KIF6: variants seen among roughly 807,000 people sequenced by gnomAD.
KIF6 encodes the protein kinesin family member 6, also known as kinesin-like protein KIF6.
KIF6 carries 106 observed loss-of-function variants against 112.7 expected under a neutral mutation model. That is an observed-to-expected ratio of 0.94 (90% CI 0.80 to 1.11). The LOEUF is 1.11. Ranked by LOEUF, KIF6 falls within the 50% of genes least tolerant of loss-of-function variation. The pLI is 0.00. For missense variants in KIF6, 929 were observed against 964.0 expected, an observed-to-expected ratio of 0.96 and a Z score of 0.48; for synonymous variants, 339 against 339.9, an observed-to-expected ratio of 1.00 and a Z score of 0.03.
At chr6:39,608,286 T>A (rs1001125529) in intron 6 of KIF6, among the ~76,000 whole-genome samples, 1 of 152,152 alleles carries the variant, frequency 6.6e-6, no homozygotes, top group African/African-American at 2.4e-5. Context: ...ATACCATAAG[T>A]TGAAAATGCA....
intron 15 of KIF6, among the ~76,000 whole-genome samples, chr6:39,398,709 G>A (rs988061165): frequency 1.3e-5 from 2 of 152,106 alleles, no homozygotes; most frequent in African/African-American, 4.8e-5. Flanking sequence ...AACACAGATC[G>A]GGTGCTTCTT....
intron 13 of KIF6, among the ~76,000 whole-genome samples, chr6:39,461,859 C>T (rs531909031): frequency 1.3e-5 from 2 of 152,184 alleles, no homozygotes; most frequent in South Asian, 4.1e-4. Context: ...GTGTGTGTAC[C>T]TGTTGACACA....
chr6:39,695,608 C>T (rs1788487447), intron 3 of KIF6, among the ~76,000 whole-genome samples: 2 of 152,164 alleles, frequency 1.3e-5, no homozygotes, highest in Non-Finnish European at 2.9e-5. Flanking sequence ...GATACCATCT[C>T]ACACCAGTCA....
intron 3 of KIF6, among the ~76,000 whole-genome samples, chr6:39,689,583 T>C (rs1788066963): frequency 6.6e-6 from 1 of 152,140 alleles, no homozygotes; most frequent in African/African-American, 2.4e-5. Context: ...TCTGCTGTCA[T>C]ATAATTTATT....
At chr6:39,496,898 C>T (rs1431442283) in intron 13 of KIF6, among the ~76,000 whole-genome samples, 1 of 152,218 alleles carries the variant, frequency 6.6e-6, no homozygotes, top group Admixed American at 6.5e-5. Context: ...AATCAAGTTA[C>T]TTAAAACGTC....
At chr6:39,435,589 C>T (rs575566546) in intron 13 of KIF6, among the ~76,000 whole-genome samples, 188 of 151,918 alleles carry the variant, frequency 1.2e-3, no homozygotes, top group African/African-American at 4.4e-3. Context: ...TTTGCATACC[C>T]ATAGCTTAGC....
chr6:39,394,182 A>G (rs761231620), intron 15 of KIF6, among the ~76,000 whole-genome samples: 4 of 152,214 alleles, frequency 2.6e-5, no homozygotes, highest in Non-Finnish European at 4.4e-5. Flanking sequence ...GATAAAGCCG[A>G]GCAAGATCAA....
chr6:39,467,580 G>A (rs1167804064), intron 13 of KIF6, among the ~76,000 whole-genome samples: 1 of 152,046 alleles, frequency 6.6e-6, no homozygotes, highest in Non-Finnish European at 1.5e-5. Context: ...TGCCCTCTGA[G>A]GAACAAAATC....
At chr6:39,361,313 C>T (rs1425058737) in intron 17 of KIF6, among the ~76,000 whole-genome samples, 4 of 151,862 alleles carry the variant, frequency 2.6e-5, no homozygotes, top group African/African-American at 4.8e-5. Context: ...AATCCCAGCA[C>T]TTTGGGAGGC....
At chr6:39,444,056 A>G (rs1264143231) in intron 13 of KIF6, among the ~76,000 whole-genome samples, 2 of 152,220 alleles carry the variant, frequency 1.3e-5, no homozygotes, top group Non-Finnish European at 2.9e-5. Flanking sequence ...CTTTGCATAT[A>G]CTAGAGGCAT....
At chr6:39,407,948 G>C (rs944571286) in intron 15 of KIF6, among the ~76,000 whole-genome samples, 1 of 152,116 alleles carries the variant, frequency 6.6e-6, no homozygotes, top group Non-Finnish European at 1.5e-5. Flanking sequence ...AACTGTCCTA[G>C]GGTTCTTCCA....
intron 10 of KIF6, among the ~76,000 whole-genome samples, chr6:39,575,099 G>A (rs1419166727): frequency 6.6e-6 from 1 of 151,972 alleles, no homozygotes; most frequent in African/African-American, 2.4e-5. Context: ...GGCCCTATGG[G>A]TTGTACAATC....
intron 13 of KIF6, among the ~76,000 whole-genome samples, chr6:39,512,616 G>A (rs971092064): frequency 5.3e-5 from 8 of 152,142 alleles, no homozygotes; most frequent in African/African-American, 1.9e-4. Context: ...TGCTGGCACA[G>A]GTTATGTTTG....
At position 39,648,626 on chromosome 6, in the gene KIF6, A is replaced by G. The variant is rs143537837; in HGVS notation, c.252-8869T>C. Among the ~76,000 whole-genome samples, 339 of 152,308 alleles carry G rather than the reference A, an allele frequency of 2.2e-3. 3 individuals carry two copies. Among genetic ancestry groups the G allele is most frequent in the African/African-American group, 7.8e-3 (326 of 41,570 alleles). On this transcript the variant is annotated intron_variant, in intron 3 of 22. Coordinates refer to ENST00000287152, the MANE Select transcript of KIF6 (RefSeq NM_145027.6). ...GTTCTTCAGTTTGCTGTGGTCCCCA[A>G]CATTCCCTAACATCTTAGGATCAAC...
chr6:39,416,065 G>A (rs1178716667), intron 15 of KIF6, among the ~76,000 whole-genome samples: 1 of 152,164 alleles, frequency 6.6e-6, no homozygotes, highest in East Asian at 1.9e-4. Flanking sequence ...GGCCTGGAGG[G>A]GTCTGTGGAG....
Position 39,608,025 on chromosome 6 carries a change from T to C in KIF6, c.639+5164A>G, listed in dbSNP as rs535856362. Reference sequence around the variant, plus strand: ...CTACTCCTTCCTTCCTGCCCTATCCTTATGTTATTAGACAACACGTCCAAG... The same window carrying C: ...CTACTCCTTCCTTCCTGCCCTATCCCTATGTTATTAGACAACACGTCCAAG... On this transcript the variant is annotated intron_variant, in intron 6 of 22. Coordinates refer to ENST00000287152, the MANE Select transcript of KIF6 (RefSeq NM_145027.6). 2.0e-5 allele frequency among the ~76,000 whole-genome samples: 3 copies of C among 152,268 alleles called. No homozygotes were observed. The East Asian group carries it at 5.8e-4, about 29-fold the overall frequency.
chr6:39,346,068 C>G (rs1167900685), intron 20 of KIF6, among the ~76,000 whole-genome samples: 1 of 19,154 alleles, frequency 5.2e-5, no homozygotes, highest in Non-Finnish European at 9.4e-5. Flanking sequence ...CTCTCTCTCT[C>G]TCTCTCTCTC....
Position 39,593,679 on chromosome 6 carries a change from C to T in KIF6, c.846+2375G>A, listed in dbSNP as rs1782075046. On this transcript the variant is annotated intron_variant, in intron 7 of 22. Coordinates refer to ENST00000287152, the MANE Select transcript of KIF6 (RefSeq NM_145027.6). ...ATGTGAATGTCATTGAGACTCTGAG[C>T]AAATTCATCCCCCTGGGCTGGAACT... 2.0e-5 allele frequency among the ~76,000 whole-genome samples: 3 copies of T among 152,164 alleles called. No individual in the cohort carries two copies. The South Asian group carries it at 6.2e-4, about 32-fold the overall frequency.
At chr6:39,354,163 C>T (rs1290984156) in intron 19 of KIF6, 3 of 329,328 alleles carry the variant, frequency 9.1e-6, no homozygotes, top group African/African-American at 2.2e-5. Flanking sequence ...TGCCCTGCAA[C>T]GGTGACCTGC....
Sources: gnomAD v4.1 joint callset for allele counts (sites outside exome capture counted in the v4.1 genomes callset) on GRCh38, gnomAD v4.1.1 for gene constraint, MANE v1.5 for transcripts, NCBI Gene and HGNC (gene_info 2026-07-23, HGNC 2026-07-21) for gene names.